CSNK2A1: variants seen among roughly 807,000 people sequenced by gnomAD.
The protein encoded by CSNK2A1 is casein kinase II subunit alpha.
A neutral mutation model predicts 62.9 loss-of-function variants in CSNK2A1; 10 were observed. That is an observed-to-expected ratio of 0.16 (90% CI 0.10 to 0.27). The LOEUF (loss-of-function observed/expected upper bound fraction) is 0.27, where lower values mean the gene tolerates loss of function less well. CSNK2A1 is among the 10% of genes least tolerant of loss of function. The pLI, the probability that CSNK2A1 is intolerant of heterozygous loss-of-function variation, is 1.00. For missense variants in CSNK2A1, 160 were observed against 492.0 expected, an observed-to-expected ratio of 0.33 and a Z score of 6.38; for synonymous variants, 124 against 167.8, an observed-to-expected ratio of 0.74 and a Z score of 2.02.
At position 480,763 on chromosome 20, in the gene CSNK2A1, G is replaced by A. The variant is rs1479943008; in HGVS notation, c.*3198C>T. ...GAATTTGCTGGTGGGACAAAATCAGGTTTTTCAAGAGATGCTTAAATGGTC... is the reference window on the plus strand; with the variant it reads ...GAATTTGCTGGTGGGACAAAATCAGATTTTTCAAGAGATGCTTAAATGGTC... On this transcript the variant is annotated 3_prime_UTR_variant, in exon 14 of 14. Coordinates refer to ENST00000217244, the MANE Select transcript of CSNK2A1 (RefSeq NM_177559.3). 6.6e-6 allele frequency: 1 copy of A among 152,144 alleles called. No homozygotes were observed. Among genetic ancestry groups the A allele is most frequent in the African/African-American group, 2.4e-5 (1 of 41,432 alleles). The allele number at this position is 152,144 out of a possible 1,614,324, so 9.4% of individuals were successfully genotyped here. A position where few individuals can be genotyped will look rare whatever the true frequency, so the allele number is the denominator to read the frequency against.
chr20:487,414 T>TA lies in CSNK2A1; in HGVS notation c.973+12dup. On this transcript the variant is annotated intron_variant, in intron 12 of 13. Transcript: ENST00000217244. ...GCCTGCACAAACTCTGTGGGCTAGA[T>TA]ATCTGGACTCACAGAAATAGGGGTG... The TA allele has an allele frequency of 6.2e-7, 1 of 1,613,314 alleles. No homozygotes were observed. The highest frequency in any genetic ancestry group is 8.5e-7 in the Non-Finnish European group (1 of 1,180,018).
At chr20:521,083 T>C (rs2018935696) in intron 2 of CSNK2A1, among the ~76,000 whole-genome samples, 1 of 152,206 alleles carries the variant, frequency 6.6e-6, no homozygotes, top group African/African-American at 2.4e-5. Context: ...GTAAAACTGA[T>C]AAACTGAACT....
At chr20:511,554 G>A (rs1305366879) in intron 2 of CSNK2A1, among the ~76,000 whole-genome samples, 1 of 152,072 alleles carries the variant, frequency 6.6e-6, no homozygotes, top group Non-Finnish European at 1.5e-5. Flanking sequence ...GCTATTCTAG[G>A]AACCTCATAT....
rs1304460326 is a variant in CSNK2A1, at chr20:477,504, ATTC to A, written c.*6454_*6456del. Reference sequence around the variant, plus strand: ...TCACCCAGAGGCAACAACAGCTAGTATTCTTCTAGTTTTTACCACCCCCACCAC... The same window carrying A: ...TCACCCAGAGGCAACAACAGCTAGTATTCTAGTTTTTACCACCCCCACCAC... On this transcript the variant is annotated 3_prime_UTR_variant, in exon 14 of 14. Transcript: ENST00000217244. The A allele has an allele frequency of 1.3e-5, 2 of 152,332 alleles. No individual in the cohort carries two copies. The highest frequency in any genetic ancestry group is 4.8e-5 in the African/African-American group (2 of 41,416). The allele number at this position is 152,332 out of a possible 1,614,324, so 9.4% of individuals were successfully genotyped here. A position where few individuals can be genotyped will look rare whatever the true frequency, so the allele number is the denominator to read the frequency against.
At chr20:484,161 C>T in intron 13 of CSNK2A1, 85 bp from the exon 14 acceptor site, 1 of 1,094,438 alleles carries the variant, frequency 9.1e-7, no homozygotes, top group Non-Finnish European at 1.3e-6. Flanking sequence ...GCAAAAGGAA[C>T]ACAATAATTC....
intron 2 of CSNK2A1, among the ~76,000 whole-genome samples, chr20:511,728 ACAC>A (rs1600394924): frequency 6.9e-6 from 1 of 144,352 alleles, no homozygotes; most frequent in Admixed American, 6.9e-5. Flanking sequence ...ACACACACAC[ACAC>A]CACATTTTGC....
At position 480,956 on chromosome 20, in the gene CSNK2A1, C is replaced by G. The variant is rs755312251; in HGVS notation, c.*3005G>C. 6.6e-6 allele frequency: 1 copy of G among 152,148 alleles called. No individual in the cohort carries two copies. The highest frequency in any genetic ancestry group is 1.5e-5 in the Non-Finnish European group (1 of 68,038). The allele number at this position is 152,148 out of a possible 1,614,324, so 9.4% of individuals were successfully genotyped here. A position where few individuals can be genotyped will look rare whatever the true frequency, so the allele number is the denominator to read the frequency against. On this transcript the variant is annotated 3_prime_UTR_variant, in exon 14 of 14. Coordinates refer to ENST00000217244, the MANE Select transcript of CSNK2A1 (RefSeq NM_177559.3). ...AGGATCTACTTTACAAGATATATTC[C>G]TCTGACAGTCCCACTCTAACAATTT...
intron 2 of CSNK2A1, among the ~76,000 whole-genome samples, chr20:522,424 A>G (rs2018970930): frequency 6.6e-6 from 1 of 152,224 alleles, no homozygotes; most frequent in African/African-American, 2.4e-5. Flanking sequence ...ATCCATAACC[A>G]CAATTTAATC....
intron 8 of CSNK2A1, 98 bp from the exon 9 acceptor site, chr20:492,462 C>A: frequency 1.7e-6 from 2 of 1,193,662 alleles, no homozygotes; most frequent in South Asian, 1.4e-5. Flanking sequence ...ACACGTCACT[C>A]TTTACTGAAA....
At chr20:489,280 G>A (rs1441568270) in intron 10 of CSNK2A1, 6 of 171,462 alleles carry the variant, frequency 3.5e-5, no homozygotes, top group Non-Finnish European at 6.2e-5. Context: ...TGTATTCTTT[G>A]ACTCATTAAA....
At chr20:535,739 CAAAAA>C (rs11477824) in intron 1 of CSNK2A1, among the ~76,000 whole-genome samples, 1 of 70,072 alleles carries the variant, frequency 1.4e-5, no homozygotes, top group African/African-American at 4.7e-5. Flanking sequence ...GACTCCATCT[CAAAAA>C]AAAAAAAAAA....
chr20:503,000 G>A (rs938031585), intron 4 of CSNK2A1: 1 of 152,194 alleles, frequency 6.6e-6, no homozygotes, highest in African/African-American at 2.4e-5. Flanking sequence ...CTGAACTGTA[G>A]ACCCACTATG....
chr20:495,411 G>C (rs2018325848), intron 8 of CSNK2A1: 1 of 321,738 alleles, frequency 3.1e-6, no homozygotes, highest in Non-Finnish European at 6.0e-6. Context: ...AGAAAAAGAA[G>C]GCAAATGGAG....
intron 2 of CSNK2A1, among the ~76,000 whole-genome samples, chr20:516,868 C>T (rs1233267947): frequency 1.3e-5 from 2 of 152,036 alleles, no homozygotes; most frequent in African/African-American, 2.4e-5. Flanking sequence ...AAAAAAAAAT[C>T]TCCTTCTCAT....
At chr20:505,399 G>A (rs530179534) in intron 3 of CSNK2A1, among the ~76,000 whole-genome samples, 170 bp from the exon 4 acceptor site, 54 of 118,778 alleles carry the variant, frequency 4.5e-4, no homozygotes, top group African/African-American at 1.8e-3. Context: ...TCACTCTGTC[G>A]CCCAGGCTAG....
chr20:495,564 CA>C (rs1196290673), intron 8 of CSNK2A1, 154 bp downstream of exon 8: 1 of 598,324 alleles, frequency 1.7e-6, no homozygotes, highest in Non-Finnish European at 3.0e-6. Context: ...ATGGTTCAAA[CA>C]TGTTGACTTG....
chr20:485,277 A>G (rs1054969883), intron 13 of CSNK2A1, among the ~76,000 whole-genome samples: 1 of 150,872 alleles, frequency 6.6e-6, no homozygotes, highest in East Asian at 2.0e-4. Context: ...TCTGCCTCCC[A>G]AGTTCAAGCG....
chr20:511,906 A>G (rs1345159003), intron 2 of CSNK2A1, among the ~76,000 whole-genome samples: 1 of 152,138 alleles, frequency 6.6e-6, no homozygotes, highest in Non-Finnish European at 1.5e-5. Flanking sequence ...TAGTAATTCT[A>G]TGTTAATTTT....
intron 12 of CSNK2A1, 74 bp downstream of exon 12, chr20:487,353 G>GAGCTGGGAGGC: frequency 6.3e-7 from 1 of 1,589,730 alleles, no homozygotes; most frequent in Non-Finnish European, 8.6e-7. Context: ...AAGCTGACAG[G>GAGCTGGGAGGC]AGCTGGGATT....
Sources: gnomAD v4.1 joint callset for allele counts (sites outside exome capture counted in the v4.1 genomes callset) on GRCh38, gnomAD v4.1.1 for gene constraint, MANE v1.5 for transcripts, NCBI Gene and HGNC (gene_info 2026-07-23, HGNC 2026-07-21) for gene names.